Variants in TMCC1 observed in about 807,000 individuals in gnomAD.
The protein encoded by TMCC1 is transmembrane and coiled-coil domain family 1.
A neutral mutation model predicts 52.4 loss-of-function variants in TMCC1; 15 were observed. The ratio of observed to expected loss-of-function variants is 0.29; its 90% CI spans 0.19 to 0.44. The LOEUF (loss-of-function observed/expected upper bound fraction) is 0.44. Ranked by LOEUF, TMCC1 falls within the 20% of genes least tolerant of loss-of-function variation. TMCC1 has a pLI of 1.00. For missense variants in TMCC1, 503 were observed against 806.0 expected, an observed-to-expected ratio of 0.62 and a Z score of 4.55; for synonymous variants, 279 against 301.9, an observed-to-expected ratio of 0.92 and a Z score of 0.79.
At chr3:129,739,692 A>G (rs1378720313) in intron 4 of TMCC1, among the ~76,000 whole-genome samples, 1 of 152,228 alleles carries the variant, frequency 6.6e-6, no homozygotes, top group African/African-American at 2.4e-5. Flanking sequence ...TGGTCAGCAC[A>G]GAAGACTGAA....
chr3:129,737,220 A>C (rs982131958), intron 4 of TMCC1, among the ~76,000 whole-genome samples: 1 of 151,752 alleles, frequency 6.6e-6, no homozygotes, highest in African/African-American at 2.4e-5. Context: ...TAATCCCAGC[A>C]CTTTGGGAGG....
Position 129,794,609 on chromosome 3 carries a change from T to C in TMCC1, c.576+33194A>G, listed in dbSNP as rs191334337. Among the ~76,000 whole-genome samples the C allele has an allele frequency of 3.0e-4, 45 of 152,264 alleles. No individual in the cohort carries two copies. In the East Asian group the frequency reaches 6.8e-3, roughly 23 times the overall value. On this transcript the variant is annotated intron_variant, in intron 4 of 6. Transcript: ENST00000393238. ...CGCTGTGCCCAGTGCCAAGCTCTTCTAGCACTTCCTGTGAGTCAGCTGTGA... is the reference window on the plus strand; with the variant it reads ...CGCTGTGCCCAGTGCCAAGCTCTTCCAGCACTTCCTGTGAGTCAGCTGTGA...
At chr3:129,783,345 T>C (rs917310275) in intron 4 of TMCC1, among the ~76,000 whole-genome samples, 76 of 152,146 alleles carry the variant, frequency 5.0e-4, no homozygotes, top group African/African-American at 1.7e-3. Flanking sequence ...TAAAAATCCA[T>C]AGAGATACAA....
chr3:129,836,301 T>G (rs1277004647), intron 2 of TMCC1, among the ~76,000 whole-genome samples: 2 of 152,048 alleles, frequency 1.3e-5, no homozygotes, highest in Non-Finnish European at 2.9e-5. Context: ...AACAAATGAC[T>G]CAAATAAAGG....
At chr3:129,784,621 T>TG (rs959939034) in intron 4 of TMCC1, among the ~76,000 whole-genome samples, 9 of 147,272 alleles carry the variant, frequency 6.1e-5, no homozygotes, top group African/African-American at 1.8e-4. Context: ...AAATACATGG[T>TG]GGGGGGTGGG....
chr3:129,734,854 A>G (rs1425446509), intron 4 of TMCC1, among the ~76,000 whole-genome samples: 3 of 150,530 alleles, frequency 2.0e-5, no homozygotes. Context: ...TCTCTTTTTC[A>G]TTTTTCTTGC....
At chr3:129,831,752 T>A (rs755262495) in intron 3 of TMCC1, among the ~76,000 whole-genome samples, 2 of 152,204 alleles carry the variant, frequency 1.3e-5, no homozygotes, top group Non-Finnish European at 2.9e-5. Flanking sequence ...AGAAATTCAA[T>A]AGTCTCAAAG....
chr3:129,865,034 GA>G (rs1278703459), intron 2 of TMCC1, among the ~76,000 whole-genome samples: 2 of 152,288 alleles, frequency 1.3e-5, no homozygotes, highest in Non-Finnish European at 2.9e-5. Flanking sequence ...TCTAGGTAGG[GA>G]AACACCACAA....
At chr3:129,690,200 G>A (rs1027602853) in intron 4 of TMCC1, among the ~76,000 whole-genome samples, 6 of 152,062 alleles carry the variant, frequency 3.9e-5, no homozygotes, top group Non-Finnish European at 8.8e-5. Context: ...CAATTTGAAG[G>A]ACTCTATAAG....
chr3:129,731,423 C>A (rs1012426755), intron 4 of TMCC1, among the ~76,000 whole-genome samples: 1 of 152,106 alleles, frequency 6.6e-6, no homozygotes, highest in African/African-American at 2.4e-5. Context: ...ACTAAAAATA[C>A]AAAAATTAGC....
intron 2 of TMCC1, 134 bp downstream of exon 2, chr3:129,880,165 TAGAAAAAAAG>T (rs2061397263): frequency 6.6e-6 from 1 of 152,012 alleles, no homozygotes; most frequent in South Asian, 2.1e-4. Flanking sequence ...CTACAGGTGC[TAGAAAAAAAG>T]AGAAAATGGG....
At chr3:129,779,609 T>C (rs551272212) in intron 4 of TMCC1, among the ~76,000 whole-genome samples, 16 of 152,330 alleles carry the variant, frequency 1.1e-4, no homozygotes, top group South Asian at 8.3e-4. Flanking sequence ...GCTAAAGATT[T>C]ACCTCTTTGA....
chr3:129,762,140 A>G (rs1245411059), intron 4 of TMCC1, among the ~76,000 whole-genome samples: 1 of 151,262 alleles, frequency 6.6e-6, no homozygotes, highest in Non-Finnish European at 1.5e-5. Context: ...GGGGCTCAAG[A>G]GATCCTCCCA....
chr3:129,885,979 G>A (rs1188488249), intron 1 of TMCC1, among the ~76,000 whole-genome samples: 1 of 152,036 alleles, frequency 6.6e-6, no homozygotes, highest in Non-Finnish European at 1.5e-5. Flanking sequence ...TTGACCTCAT[G>A]ATCCACCCAC....
chr3:129,658,822 T>C (rs1365937959), intron 5 of TMCC1, among the ~76,000 whole-genome samples: 1 of 152,198 alleles, frequency 6.6e-6, no homozygotes, highest in Non-Finnish European at 1.5e-5. Context: ...TCTTTGTAAC[T>C]CCACAGAACT....
At chr3:129,730,055 G>A (rs1246538441) in intron 4 of TMCC1, among the ~76,000 whole-genome samples, 2 of 152,064 alleles carry the variant, frequency 1.3e-5, no homozygotes, top group Non-Finnish European at 2.9e-5. Flanking sequence ...CAGAATAGTT[G>A]TACAGGTACT....
Position 129,828,619 on chromosome 3 carries a change from T to G in TMCC1, c.-130-111A>C. On this transcript the variant is annotated intron_variant, in intron 3 of 6. Transcript: ENST00000393238. This position sits in a 1 kb window ranked among gnomAD's most constrained non-coding sequence, Gnocchi z 4.1. ...AAAAACATGCTACTGGCCAAACAAA[T>G]AGGCACTATCATTAAGCAATCTTTA... 4.6e-6 allele frequency: 2 copies of G among 433,006 alleles called. No homozygotes were observed. Among genetic ancestry groups the G allele is most frequent in the Non-Finnish European group, 8.1e-6 (2 of 245,590 alleles). The allele number at this position is 433,006 out of a possible 1,614,324, so 26.8% of individuals were successfully genotyped here.
chr3:129,847,163 C>T (rs566441327), intron 2 of TMCC1: 41 of 152,186 alleles, frequency 2.7e-4, no homozygotes, highest in African/African-American at 9.9e-4. Flanking sequence ...AGTTACAGTG[C>T]CTTGGCTCAA....
At chr3:129,709,917 T>C (rs773813366) in intron 4 of TMCC1, among the ~76,000 whole-genome samples, 1 of 152,138 alleles carries the variant, frequency 6.6e-6, no homozygotes, top group Non-Finnish European at 1.5e-5. Context: ...CCAGGCGCGG[T>C]GGCTCACACC....
Sources: allele counts gnomAD v4.1 joint callset (sites outside exome capture counted in the v4.1 genomes callset), GRCh38; gene constraint gnomAD v4.1.1; non-coding constraint Gnocchi (gnomAD v3.1); transcripts MANE v1.5; gene names NCBI Gene and HGNC (gene_info 2026-07-23, HGNC 2026-07-21).